GAN: variants seen among roughly 807,000 people sequenced by gnomAD.
The protein encoded by GAN is epididymis secretory sperm binding protein.
A neutral mutation model predicts 71.3 loss-of-function variants in GAN; 48 were observed. The ratio of observed to expected loss-of-function variants is 0.67; its 90% CI spans 0.53 to 0.86. The LOEUF (loss-of-function observed/expected upper bound fraction) is 0.86, where lower values mean the gene tolerates loss of function less well. Among genes scored for constraint, GAN ranks in the 40% least tolerant of loss-of-function variants. The pLI, the probability that GAN is intolerant of heterozygous loss-of-function variation, is 0.00. For synonymous variants in GAN, 386 were observed against 276.8 expected, an observed-to-expected ratio of 1.39 and a Z score of -3.92; for missense variants, 928 against 770.1, an observed-to-expected ratio of 1.21 and a Z score of -2.43.
intron 3 of GAN, among the ~76,000 whole-genome samples, chr16:81,355,194 C>T (rs1312629916): frequency 6.6e-6 from 1 of 152,112 alleles, no homozygotes; most frequent in Non-Finnish European, 1.5e-5. Context: ...GCCTGAGGAG[C>T]TTCAGGTGTG....
chr16:81,357,353 G>A (rs190730152), intron 4 of GAN, among the ~76,000 whole-genome samples: 18 of 152,154 alleles, frequency 1.2e-4, no homozygotes, highest in East Asian at 9.7e-4. Context: ...GAGAATATGC[G>A]GTGTTTGGTT....
intron 1 of GAN, among the ~76,000 whole-genome samples, chr16:81,349,786 C>G (rs1036368891): frequency 1.3e-5 from 2 of 152,104 alleles, no homozygotes; most frequent in Non-Finnish European, 2.9e-5. Context: ...CTAAGAAGTT[C>G]TCCCTGTAAC....
rs975059771 is a variant in GAN at position 81,381,026 on chromosome 16, C to T, written c.*3430C>T. 6.6e-6 allele frequency: 1 copy of T among 152,154 alleles called. No individual in the cohort carries two copies. The allele number at this position is 152,154 out of a possible 1,614,324, so 9.4% of individuals were successfully genotyped here. ...TTGCACTACCACTTTAATGATGACA[C>T]TTCCTTCATTGATGGCTTGGAAGTG... On this transcript the variant is annotated 3_prime_UTR_variant, in exon 11 of 11. Coordinates refer to ENST00000648994, the MANE Select transcript of GAN (RefSeq NM_022041.4).
At chr16:81,321,669 AT>A (rs1909227695) in intron 1 of GAN, among the ~76,000 whole-genome samples, 1 of 152,224 alleles carries the variant, frequency 6.6e-6, no homozygotes, top group African/African-American at 2.4e-5. Flanking sequence ...ATAAGGGTTC[AT>A]TTGGTCTGTG....
chr16:81,338,076 G>A (rs1298691663), intron 1 of GAN, among the ~76,000 whole-genome samples: 1 of 152,196 alleles, frequency 6.6e-6, no homozygotes, highest in East Asian at 1.9e-4. Flanking sequence ...AGCAGACGGG[G>A]CAGAGAGGGG....
chr16:81,377,486 C>T lies in GAN; in HGVS notation c.1684C>T (p.Pro562Ser), dbSNP rs79901179. ...GTWHHTKPLL[P>S]SDLRRTGCAA... ...CTGGCACCACACTAAACCACTCCTT[C>T]CATCCGACCTTCGCCGTACAGGATG... is the stretch of plus-strand genomic sequence containing the variant. The change falls in exon 11 of 11, where the codon CCA becomes TCA. Residue 562 changes from proline to serine, a missense_variant. Coordinates refer to ENST00000648994, the MANE Select transcript of GAN (RefSeq NM_022041.4). 1 of 1,614,116 alleles carries T rather than the reference C, an allele frequency of 6.2e-7. No homozygotes were observed. Among genetic ancestry groups the T allele is most frequent in the Non-Finnish European group, 8.5e-7 (1 of 1,179,926 alleles).
intron 1 of GAN, 34 bp downstream of exon 1, chr16:81,315,314 G>T (rs1277060205): frequency 7.0e-7 from 1 of 1,429,172 alleles, no homozygotes; most frequent in African/African-American, 1.5e-5. Context: ...GGGCGCGGCG[G>T]TGCTGCCCGG....
At chr16:81,339,919 T>G (rs1909886214) in intron 1 of GAN, among the ~76,000 whole-genome samples, 1 of 152,176 alleles carries the variant, frequency 6.6e-6, no homozygotes. Context: ...ATACTTAACC[T>G]TCAGGTGTTT....
intron 9 of GAN, among the ~76,000 whole-genome samples, chr16:81,368,770 C>T (rs1183330387): frequency 1.3e-5 from 2 of 152,200 alleles, no homozygotes; most frequent in Non-Finnish European, 2.9e-5. Flanking sequence ...TGTCATTAGC[C>T]TCTGGCCAGC....
In GAN at chr16:81,333,461, A is replaced by AAAT. The variant is rs538008358; in HGVS notation, c.168-18120_168-18118dup. ...TTTTAGACTTAAGCAGGTGGGTAGA[A>AAAT]AATAGTACCGTTTACTAGTTAGGGA... On this transcript the variant is annotated intron_variant, in intron 1 of 10. Transcript: ENST00000648994. Among the ~76,000 whole-genome samples the AAAT allele has an allele frequency of 6.6e-5, 10 of 152,280 alleles. No homozygotes were observed. In the South Asian group the frequency reaches 2.1e-3, roughly 32 times the overall value.
At chr16:81,375,949 G>A (rs1283853938) in intron 9 of GAN, among the ~76,000 whole-genome samples, 1 of 146,636 alleles carries the variant, frequency 6.8e-6, no homozygotes, top group Non-Finnish European at 1.5e-5. Context: ...CAGCCTGGAT[G>A]AGTGACAGAG....
At position 81,363,753 on chromosome 16, in the gene GAN, C is replaced by T. The variant is rs747581809; in HGVS notation, c.1087-41C>T. On this transcript the variant is annotated intron_variant, in intron 6 of 10. Coordinates refer to ENST00000648994, the MANE Select transcript of GAN (RefSeq NM_022041.4). ...TATGAATATCAGCTTTCAATATGAT[C>T]ATTGGCCTTGTGTGTTCAGGGATCG... 2.4e-5 allele frequency: 39 copies of T among 1,598,782 alleles called. No homozygotes were observed. In the East Asian group the frequency reaches 8.3e-4, roughly 34 times the overall value.
chr16:81,323,368 G>A (rs770589236), intron 1 of GAN, among the ~76,000 whole-genome samples: 1 of 152,146 alleles, frequency 6.6e-6, no homozygotes, highest in Non-Finnish European at 1.5e-5. Flanking sequence ...CCTGAGTGGG[G>A]TGCTTGAGCA....
At position 81,379,032 on chromosome 16, in the gene GAN, A is replaced by T. The variant is rs936538100; in HGVS notation, c.*1436A>T. 4 of 150,580 alleles carry T rather than the reference A, an allele frequency of 2.7e-5. No individual in the cohort carries two copies. Among genetic ancestry groups the T allele is most frequent in the Admixed American group, 6.6e-5 (1 of 15,202 alleles). 9.3% of individuals were successfully genotyped at this position (150,580 alleles called of 1,614,324 possible). ...AGTACTTCATTTTTAATTGTTTTCT[A>T]AAAAAAAGGTTTTTTTTTTCCTTTT... On this transcript the variant is annotated 3_prime_UTR_variant, in exon 11 of 11. Coordinates refer to ENST00000648994, the MANE Select transcript of GAN (RefSeq NM_022041.4).
At chr16:81,367,327 A>T (rs1159870782) in intron 9 of GAN, among the ~76,000 whole-genome samples, 2 of 152,064 alleles carry the variant, frequency 1.3e-5, no homozygotes, top group Non-Finnish European at 2.9e-5. Flanking sequence ...GTTCAAAACC[A>T]GCCCGGCCAA....
intron 1 of GAN, among the ~76,000 whole-genome samples, chr16:81,323,209 G>T (rs184166024): frequency 8.4e-4 from 128 of 152,234 alleles, no homozygotes; most frequent in African/African-American, 2.9e-3. Context: ...ACTTCTCTCG[G>T]GGTTTTTGGT....
At chr16:81,327,835 TG>T (rs1325414282) in intron 1 of GAN, among the ~76,000 whole-genome samples, 1 of 151,678 alleles carries the variant, frequency 6.6e-6, no homozygotes, top group Non-Finnish European at 1.5e-5. Flanking sequence ...CTCATTTGCA[TG>T]GGGGTCTTAA....
chr16:81,318,904 T>C (rs1445246867), intron 1 of GAN, among the ~76,000 whole-genome samples: 2 of 152,216 alleles, frequency 1.3e-5, no homozygotes, highest in East Asian at 3.8e-4. Flanking sequence ...CTGCGGTCCC[T>C]CAGCTCAGTA....
At chr16:81,331,173 C>G (rs571504170) in intron 1 of GAN, among the ~76,000 whole-genome samples, 21 of 152,332 alleles carry the variant, frequency 1.4e-4, no homozygotes, top group East Asian at 3.9e-4. Flanking sequence ...CCACTGCGCT[C>G]TACCCTGGGC....
Sources: gnomAD v4.1 joint callset for allele counts (sites outside exome capture counted in the v4.1 genomes callset) on GRCh38, gnomAD v4.1.1 for gene constraint, MANE v1.5 for transcripts, NCBI Gene and HGNC (gene_info 2026-07-23, HGNC 2026-07-21) for gene names.